SYTL2: variants seen among roughly 807,000 people sequenced by gnomAD.
SYTL2 encodes synaptotagmin-like protein 2.
In SYTL2, 165 loss-of-function variants were observed where a neutral mutation model predicts 198.7. That is an observed-to-expected ratio of 0.83 (90% confidence interval 0.73 to 0.94). The LOEUF (loss-of-function observed/expected upper bound fraction) is 0.94, where lower values mean the gene tolerates loss of function less well. SYTL2 is among the 40% of genes least tolerant of loss of function. SYTL2 has a pLI of 0.00. For synonymous variants in SYTL2, 966 were observed against 917.7 expected (o/e 1.05, Z -0.95); for missense variants, 2,835 against 2,582.8 (o/e 1.10, Z -2.12).
chr11:85,746,358 C>T (rs2153521986), intron 3 of SYTL2, among the ~76,000 whole-genome samples: 1 of 152,328 alleles, frequency 6.6e-6, no homozygotes, highest in East Asian at 1.9e-4. Flanking sequence ...GCTCCTGCTT[C>T]AGAAAATAAC....
chr11:85,734,756 C>T lies in SYTL2; in HGVS notation c.587-14G>A. The T allele has an allele frequency of 6.3e-7, 1 of 1,589,250 alleles. No individual in the cohort carries two copies. Among genetic ancestry groups the T allele is most frequent in the South Asian group, 1.1e-5 (1 of 89,288 alleles). Reference sequence around the variant, plus strand: ...CTGACAATTCATCTGAAAATTAAAACACAGTAGGTGATATATCATATAGAG... The same window carrying T: ...CTGACAATTCATCTGAAAATTAAAATACAGTAGGTGATATATCATATAGAG... On this transcript the variant is annotated splice_polypyrimidine_tract_variant and intron_variant, in intron 6 of 19. Coordinates refer to ENST00000359152, the MANE Select transcript of SYTL2 (RefSeq NM_206927.4).
intron 4 of SYTL2, among the ~76,000 whole-genome samples, chr11:85,745,267 T>C (rs2091072509): frequency 6.6e-6 from 1 of 152,206 alleles, no homozygotes; most frequent in Non-Finnish European, 1.5e-5. Flanking sequence ...GCTGTTACAA[T>C]CTGATCATAG....
chr11:85,764,928 G>A lies in SYTL2; in HGVS notation c.-389-6814C>T, dbSNP rs576331801. Among the ~76,000 whole-genome samples the A allele has an allele frequency of 7.2e-5, 11 of 152,264 alleles. No homozygotes were observed. The East Asian group carries it at 1.9e-3, about 27-fold the overall frequency. On this transcript the variant is annotated intron_variant, in intron 1 of 19. Transcript: ENST00000359152. Reference sequence around the variant, plus strand: ...TCAATCAAAATGTTTTGTAATATGCGTACACAGAAATGTGTTTATACGAAA... The same window carrying A: ...TCAATCAAAATGTTTTGTAATATGCATACACAGAAATGTGTTTATACGAAA...
intron 1 of SYTL2, among the ~76,000 whole-genome samples, chr11:85,777,442 C>G (rs2092470086): frequency 6.6e-6 from 1 of 152,170 alleles, no homozygotes; most frequent in Non-Finnish European, 1.5e-5. Flanking sequence ...CCTACCTTCC[C>G]AGACTGCATT....
In SYTL2 at chr11:85,696,448, C is replaced by T. The variant is rs571865413; in HGVS notation, c.6369-60G>A. 12 of 1,249,952 alleles carry T rather than the reference C, an allele frequency of 9.6e-6. No homozygotes were observed. In the African/African-American group the frequency reaches 1.8e-4, roughly 18 times the overall value. 77.4% of individuals were successfully genotyped at this position (1,249,952 alleles called of 1,614,324 possible). A position where few individuals can be genotyped will look rare whatever the true frequency, so the allele number is the denominator to read the frequency against. ...GTAAGATAGTGAACATTCATGCTTT[C>T]AATACATAACAACACAGCTATTAAA... On this transcript the variant is annotated intron_variant, in intron 18 of 19. Coordinates refer to ENST00000359152, the MANE Select transcript of SYTL2 (RefSeq NM_206927.4).
intron 7 of SYTL2, chr11:85,733,581 G>GTTTTTTTTTTTT (rs67133901): frequency 8.4e-6 from 1 of 119,564 alleles, no homozygotes; most frequent in African/African-American, 3.3e-5. Flanking sequence ...AGCCCACCAA[G>GTTTTTTTTTTTT]TTTTTTTTTT....
chr11:85,800,920 G>A (rs757952285), intron 1 of SYTL2, among the ~76,000 whole-genome samples: 5 of 152,204 alleles, frequency 3.3e-5, no homozygotes, highest in Non-Finnish European at 5.9e-5. Context: ...AATCTCCCCA[G>A]TGGCTTTCCC....
At chr11:85,823,829 A>G in the SYTL2 span, among the ~76,000 whole-genome samples, 2 of 152,238 alleles carry the variant, frequency 1.3e-5, no homozygotes, top group Admixed American at 6.5e-5. Flanking sequence ...ATAACACTCA[A>G]AAGTTTTCAA....
Position 85,727,922 on chromosome 11 carries a change from C to G in SYTL2, c.1436G>C (p.Gly479Ala). 3.1e-6 allele frequency: 5 copies of G among 1,613,290 alleles called. No individual in the cohort carries two copies. Among genetic ancestry groups the G allele is most frequent in the Non-Finnish European group, 4.2e-6 (5 of 1,179,750 alleles). ...CVEPEPSQVP[G>A]GSSRDRQQGK... Reference sequence around the variant, plus strand: ...TTGCTGACGGTCTCTAGAACTGCCACCTGGCACCTGAGATGGCTCAGGCTC... The same window carrying G: ...TTGCTGACGGTCTCTAGAACTGCCAGCTGGCACCTGAGATGGCTCAGGCTC... Residue 479 changes from glycine (G) to alanine (A), a missense_variant, in exon 8 of 20, where the codon GGT (glycine) becomes GCT (alanine). This residue lies in a region of SYTL2 where 2,645 missense variants were observed against 2,381.7 expected (regional missense o/e 1.11). Transcript: ENST00000359152.
At chr11:85,700,492 C>A in intron 17 of SYTL2, 23 bp downstream of exon 17, 1 of 1,578,938 alleles carries the variant, frequency 6.3e-7, no homozygotes, top group Non-Finnish European at 8.7e-7. Context: ...GGACATAAAT[C>A]TGAATAGAAA....
At chr11:85,697,097 T>C (rs2083513654) in intron 18 of SYTL2, among the ~76,000 whole-genome samples, 1 of 152,188 alleles carries the variant, frequency 6.6e-6, no homozygotes, top group Admixed American at 6.5e-5. Context: ...GGTCTTAGAA[T>C]GAGGCTGACT....
intron 15 of SYTL2, 155 bp from the exon 16 acceptor site, chr11:85,705,183 C>T (rs2084937243): frequency 3.8e-6 from 2 of 524,634 alleles, no homozygotes; most frequent in South Asian, 7.4e-5. Context: ...TTATTCTAAG[C>T]ATCTTGTTTC....
chr11:85,803,815 T>C (rs2092923295), intron 1 of SYTL2, among the ~76,000 whole-genome samples: 2 of 152,320 alleles, frequency 1.3e-5, no homozygotes, highest in East Asian at 1.9e-4. Context: ...TGCTTCCATT[T>C]CCTCATCAGT....
the SYTL2 span, among the ~76,000 whole-genome samples, chr11:85,816,974 T>A: frequency 6.7e-4 from 102 of 151,396 alleles, no homozygotes; most frequent in East Asian, 0.018. Context: ...AGAAGAAGTC[T>A]AGTTATAATG....
chr11:85,789,957 C>T (rs1592040614), intron 1 of SYTL2, among the ~76,000 whole-genome samples: 1 of 151,892 alleles, frequency 6.6e-6, no homozygotes, highest in Non-Finnish European at 1.5e-5. Context: ...ATCCAAAATG[C>T]TTGGGATCAG....
intron 1 of SYTL2, among the ~76,000 whole-genome samples, chr11:85,761,805 C>G (rs550591629): frequency 6.6e-6 from 1 of 152,258 alleles, no homozygotes; most frequent in African/African-American, 2.4e-5. Flanking sequence ...ATTACAGGCG[C>G]CCACGACCAT....
Position 85,695,276 on chromosome 11 carries a change from C to T in SYTL2, c.6639G>A (p.Glu2213=). The T allele has an allele frequency of 6.2e-7, 1 of 1,612,812 alleles. No homozygotes were observed. The highest frequency in any genetic ancestry group is 8.5e-7 in the Non-Finnish European group (1 of 1,179,042). ...DSTSEEVALW[E]KMVNSPNTWI... ...AAGTATTGGGGGAGTTTACCATCTT[C>T]TCCCAGAGAGCAACTTCCTCTGAAG... is the stretch of plus-strand genomic sequence containing the variant. The change falls in exon 20 of 20, where the codon GAG becomes GAA. Residue 2213 remains glutamate, a synonymous_variant. Transcript: ENST00000359152.
chr11:85,827,895 C>T, the SYTL2 span, among the ~76,000 whole-genome samples: 1 of 152,156 alleles, frequency 6.6e-6, no homozygotes, highest in African/African-American at 2.4e-5. Flanking sequence ...AAGTGAAACA[C>T]ACTCACAAAA....
intron 15 of SYTL2, among the ~76,000 whole-genome samples, chr11:85,706,295 C>T (rs1216523433): frequency 2.6e-5 from 4 of 152,102 alleles, no homozygotes; most frequent in South Asian, 4.1e-4. Context: ...AGCATTAACC[C>T]GACTTGGCAG....
Sources: allele counts gnomAD v4.1 joint callset (sites outside exome capture counted in the v4.1 genomes callset), GRCh38; gene constraint gnomAD v4.1.1; regional missense constraint gnomAD v4.1.1; transcripts MANE v1.5; gene names NCBI Gene and HGNC (gene_info 2026-07-23, HGNC 2026-07-21).